Variants in CSMD1 observed in about 807,000 individuals in gnomAD.
CSMD1 encodes the protein CUB and sushi domain-containing protein 1.
CSMD1 carries 213 observed loss-of-function variants against 417.5 expected under a neutral mutation model. That is an observed-to-expected ratio of 0.51 (90% confidence interval 0.46 to 0.57). CSMD1 has a LOEUF of 0.57. Among genes scored for constraint, CSMD1 ranks in the 20% least tolerant of loss-of-function variants. CSMD1 has a pLI of 0.00. For missense variants in CSMD1, 6,923 were observed against 4,529.7 expected (o/e 1.53, Z -15.17); for synonymous variants, 2,862 against 1,736.8 (o/e 1.65, Z -16.11).
intron 12 of CSMD1, among the ~76,000 whole-genome samples, chr8:3,454,130 G>A (rs1296738785): frequency 6.6e-6 from 1 of 152,092 alleles, no homozygotes; most frequent in East Asian, 1.9e-4. Flanking sequence ...GACTAGGATT[G>A]CAACCCCTGC....
Position 3,274,826 on chromosome 8 carries a change from A to G in CSMD1, c.4153+9318T>C, listed in dbSNP as rs530564039. The stretch of plus-strand genomic sequence containing the variant: ...TCATTTTGAGCCTATGTGTGTCTGT[A>G]CCCGTGAGATGTGTTTCCTGAATAG... On this transcript the variant is annotated intron_variant, in intron 26 of 69. Coordinates refer to ENST00000635120, the MANE Select transcript of CSMD1 (RefSeq NM_033225.6). 3.5e-3 allele frequency among the ~76,000 whole-genome samples: 533 copies of G among 152,052 alleles called. 2 individuals are homozygous for G. The highest frequency in any genetic ancestry group is 6.4e-3 in the Non-Finnish European group (437 of 67,998).
At chr8:3,495,375 G>A (rs191537358) in intron 10 of CSMD1, among the ~76,000 whole-genome samples, 3 of 152,148 alleles carry the variant, frequency 2.0e-5, no homozygotes, top group Non-Finnish European at 4.4e-5. Flanking sequence ...ATTAAGGTTT[G>A]TGTGTCATGT....
At chr8:3,702,142 C>T (rs1192440096) in intron 7 of CSMD1, 1 of 152,094 alleles carries the variant, frequency 6.6e-6, no homozygotes, top group Non-Finnish European at 1.5e-5. Flanking sequence ...TTAGAGTGCT[C>T]AGTTTTCCAC....
intron 3 of CSMD1, among the ~76,000 whole-genome samples, chr8:4,254,183 A>C (rs1714763): frequency 1 from 151,977 of 152,130 alleles, 75,912 homozygotes; most frequent in Middle Eastern, 1. Flanking sequence ...TCCCAAAGTG[A>C]TGGGACTGCA....
intron 1 of CSMD1, among the ~76,000 whole-genome samples, chr8:4,910,985 C>T (rs997626750): frequency 6.6e-6 from 1 of 152,136 alleles, no homozygotes; most frequent in African/African-American, 2.4e-5. Flanking sequence ...CTGATGGTTC[C>T]ATAAGGGGGA....
At chr8:4,626,602 G>A (rs1349794781) in intron 2 of CSMD1, among the ~76,000 whole-genome samples, 2 of 152,072 alleles carry the variant, frequency 1.3e-5, no homozygotes, top group Non-Finnish European at 2.9e-5. Context: ...TCCAGTCAGG[G>A]TCAGGACCGC....
At chr8:3,421,088 C>A (rs1463949791) in intron 12 of CSMD1, among the ~76,000 whole-genome samples, 1 of 152,160 alleles carries the variant, frequency 6.6e-6, no homozygotes, top group Non-Finnish European at 1.5e-5. Context: ...GCTTCATTTG[C>A]TGATTCTATG....
chr8:3,872,032 A>G (rs1805514051), intron 5 of CSMD1, among the ~76,000 whole-genome samples: 2 of 152,194 alleles, frequency 1.3e-5, no homozygotes, highest in Admixed American at 6.5e-5. Flanking sequence ...TTAACACATT[A>G]TTTTGGATAC....
intron 1 of CSMD1, among the ~76,000 whole-genome samples, chr8:4,880,821 G>C (rs900052538): frequency 6.6e-6 from 1 of 151,988 alleles, no homozygotes; most frequent in Admixed American, 6.6e-5. Context: ...TTTCACTTTT[G>C]TTGTCATTCT....
intron 17 of CSMD1, among the ~76,000 whole-genome samples, chr8:3,395,590 C>T (rs1811640567): frequency 6.6e-6 from 1 of 152,098 alleles, no homozygotes; most frequent in South Asian, 2.1e-4. Context: ...AAATACATTC[C>T]ATTATAATAT....
intron 1 of CSMD1, among the ~76,000 whole-genome samples, chr8:4,912,727 C>T (rs78780840): frequency 0.055 from 8,383 of 152,224 alleles, 330 homozygotes; most frequent in Middle Eastern, 0.15. Flanking sequence ...CCACCAGTGA[C>T]TTTCTATTAG....
intron 2 of CSMD1, among the ~76,000 whole-genome samples, chr8:4,558,378 A>C (rs901175621): frequency 2.6e-5 from 4 of 152,206 alleles, no homozygotes; most frequent in Non-Finnish European, 4.4e-5. Flanking sequence ...ACCATCACTA[A>C]AACGTATTTT....
At chr8:3,817,291 T>C (rs1380484434) in intron 5 of CSMD1, among the ~76,000 whole-genome samples, 7 of 89,800 alleles carry the variant, frequency 7.8e-5, no homozygotes, top group African/African-American at 3.5e-4. Flanking sequence ...TTTTTTTTTT[T>C]TTTTTTTGAG....
chr8:4,475,697 G>GCCC (rs33962999), intron 2 of CSMD1, among the ~76,000 whole-genome samples: 137,161 of 151,908 alleles, frequency 0.9, 61,971 homozygotes, highest in Middle Eastern at 0.97. Flanking sequence ...GCTCACTGCA[G>GCCC]CTGCCTCTGG....
At chr8:4,158,731 A>C (rs549233350) in intron 3 of CSMD1, among the ~76,000 whole-genome samples, 1 of 152,056 alleles carries the variant, frequency 6.6e-6, no homozygotes, top group Non-Finnish European at 1.5e-5. Context: ...TCACAACCCC[A>C]TGAGAACCAC....
chr8:4,174,240 C>T (rs62501132), intron 3 of CSMD1, among the ~76,000 whole-genome samples: 13,793 of 152,084 alleles, frequency 0.091, 895 homozygotes, highest in African/African-American at 0.18. Flanking sequence ...GAAAGCAAAG[C>T]GCTAAAAAGG....
intron 5 of CSMD1, among the ~76,000 whole-genome samples, chr8:3,938,925 C>T (rs933856737): frequency 6.6e-6 from 1 of 152,128 alleles, no homozygotes; most frequent in Non-Finnish European, 1.5e-5. Context: ...CATTCTCAAA[C>T]ACAGTAACAT....
intron 20 of CSMD1, among the ~76,000 whole-genome samples, chr8:3,361,678 A>G (rs4598275): frequency 0.17 from 25,396 of 146,722 alleles, 2,610 homozygotes; most frequent in South Asian, 0.3. Context: ...AAAAACAAAC[A>G]AAAACATTCT....
intron 1 of CSMD1, among the ~76,000 whole-genome samples, chr8:4,803,782 C>T (rs1394208657): frequency 6.6e-6 from 1 of 152,080 alleles, no homozygotes. Context: ...TTTATTTAGT[C>T]CTTCTCTTTG....
Sources: allele counts gnomAD v4.1 joint callset (sites outside exome capture counted in the v4.1 genomes callset), GRCh38; gene constraint gnomAD v4.1.1; transcripts MANE v1.5; gene names NCBI Gene and HGNC (gene_info 2026-07-23, HGNC 2026-07-21).